The following HMCN1 variants were observed in gnomAD, a reference collection of about 807,000 sequenced individuals.
HMCN1 encodes hemicentin 1, also known as hemicentin-1.
A neutral mutation model predicts 625.9 loss-of-function variants in HMCN1; 321 were observed. The observed-to-expected ratio is 0.51, with a 90% CI of 0.47 to 0.56. HMCN1 has a LOEUF of 0.56. Ranked by LOEUF, HMCN1 falls within the 20% of genes least tolerant of loss-of-function variation. HMCN1 has a pLI of 0.00. For missense variants in HMCN1, 6,588 were observed against 6,887.3 expected (o/e 0.96, Z 1.54); for synonymous variants, 2,425 against 2,417.6 (o/e 1.00, Z -0.09).
At chr1:185,963,262 G>A (rs916688729) in intron 12 of HMCN1, among the ~76,000 whole-genome samples, 1 of 152,154 alleles carries the variant, frequency 6.6e-6, no homozygotes, top group African/African-American at 2.4e-5. Context: ...GAAGTCATAC[G>A]TGTGATCCAG....
intron 90 of HMCN1, 44 bp from the exon 91 acceptor site, chr1:186,144,489 T>C (rs1650159763): frequency 6.2e-7 from 1 of 1,613,592 alleles, no homozygotes; most frequent in Non-Finnish European, 8.5e-7. Context: ...AACACGATGG[T>C]TCCTAGGTAG....
At chr1:185,878,947 T>C (rs528845570) in intron 4 of HMCN1, among the ~76,000 whole-genome samples, 1 of 152,350 alleles carries the variant, frequency 6.6e-6, no homozygotes, top group South Asian at 2.1e-4. Flanking sequence ...ACCTGTAAGA[T>C]AGAAGCTCCT....
intron 52 of HMCN1, among the ~76,000 whole-genome samples, chr1:186,072,636 T>A (rs139941043): frequency 6.0e-4 from 91 of 152,268 alleles, no homozygotes; most frequent in African/African-American, 2.1e-3. Flanking sequence ...AGGGAAGACC[T>A]CACTGATAAG....
At chr1:186,168,798 T>C (rs947942503) in intron 100 of HMCN1, among the ~76,000 whole-genome samples, 1 of 152,106 alleles carries the variant, frequency 6.6e-6, no homozygotes, top group African/African-American at 2.4e-5. Flanking sequence ...AGTCCTGGGA[T>C]ACATGTACAG....
At chr1:185,889,129 G>A (rs1469783362) in intron 4 of HMCN1, among the ~76,000 whole-genome samples, 6 of 143,542 alleles carry the variant, frequency 4.2e-5, no homozygotes, top group Non-Finnish European at 7.4e-5. Context: ...TTGGTGTATA[G>A]GAATGCTTGT....
At chr1:185,782,808 C>G (rs1657235603) in intron 1 of HMCN1, among the ~76,000 whole-genome samples, 1 of 152,170 alleles carries the variant, frequency 6.6e-6, no homozygotes, top group Non-Finnish European at 1.5e-5. Flanking sequence ...CTTGGTGAAT[C>G]TGACAATTAT....
intron 1 of HMCN1, among the ~76,000 whole-genome samples, chr1:185,766,514 C>T (rs559236417): frequency 6.6e-6 from 1 of 152,214 alleles, no homozygotes; most frequent in South Asian, 2.1e-4. Context: ...CACGAGTAGT[C>T]ATTTTAGTGC....
intron 28 of HMCN1, 66 bp from the exon 29 acceptor site, chr1:186,003,652 T>C: frequency 6.6e-7 from 1 of 1,523,468 alleles, no homozygotes; most frequent in Non-Finnish European, 9.1e-7. Flanking sequence ...ATTGACTGCT[T>C]TCTAACCCCA....
At chr1:185,909,231 C>A in intron 4 of HMCN1, 106 bp from the exon 5 acceptor site, 1 of 826,022 alleles carries the variant, frequency 1.2e-6, no homozygotes. Context: ...CACACCAGTC[C>A]AGGATGTGCC....
Position 186,053,085 on chromosome 1 carries a change from A to G in HMCN1, c.6700+11A>G, listed in dbSNP as rs761317211. 3.5e-5 allele frequency: 56 copies of G among 1,603,258 alleles called. No homozygotes were observed. Among genetic ancestry groups the G allele is most frequent in the Non-Finnish European group, 6.8e-6 (8 of 1,171,498 alleles). The stretch of plus-strand genomic sequence containing the variant: ...TCTGGAAGAAGAAAGGTCAGTTTTC[A>G]TCCTTGAAATTTATAAAATTAAAGA... On this transcript the variant is annotated intron_variant, in intron 43 of 106. Transcript: ENST00000271588.
chr1:185,737,971 G>A (rs567516786), intron 1 of HMCN1, among the ~76,000 whole-genome samples: 19 of 152,290 alleles, frequency 1.2e-4, no homozygotes, highest in African/African-American at 4.6e-4. Flanking sequence ...ATATGTGCAT[G>A]TAAGAAGCGC....
intron 46 of HMCN1, among the ~76,000 whole-genome samples, chr1:186,058,190 TATG>T (rs1344609669): frequency 6.6e-6 from 1 of 151,998 alleles, no homozygotes; most frequent in Non-Finnish European, 1.5e-5. Context: ...TATGCTAATT[TATG>T]ATCTCTTTGC....
chr1:186,062,083 A>G, intron 47 of HMCN1, 119 bp downstream of exon 47: 2 of 640,964 alleles, frequency 3.1e-6, no homozygotes, highest in Non-Finnish European at 5.5e-6. Flanking sequence ...CTGGACTGTG[A>G]CTCTTGGCAA....
chr1:185,826,591 T>C lies in HMCN1; in HGVS notation c.269-19435T>C, dbSNP rs567935243. On this transcript the variant is annotated intron_variant, in intron 1 of 106. Transcript: ENST00000271588. ...GGTGCACCAACTTTCTCAGACCCAG[T>C]TGGTTCTGAGCAGTAAAAAAGATGG... Among the ~76,000 whole-genome samples, 8 of 152,216 alleles carry C rather than the reference T, an allele frequency of 5.3e-5. No homozygotes were observed. The South Asian group carries it at 1.7e-3, about 32-fold the overall frequency.
intron 86 of HMCN1, 45 bp downstream of exon 86, chr1:186,132,454 ATTAC>A: frequency 7.3e-7 from 1 of 1,365,958 alleles, no homozygotes; most frequent in Non-Finnish European, 1.0e-6. Context: ...TTTAGGAAAT[ATTAC>A]CTAATAAAGA....
rs765400134 is a variant in HMCN1, at chr1:186,037,974, G to C, written c.5790G>C (p.Glu1930Asp). 1.2e-6 allele frequency: 2 copies of C among 1,613,350 alleles called. No homozygotes were observed. Among genetic ancestry groups the C allele is most frequent in the Non-Finnish European group, 1.7e-6 (2 of 1,179,482 alleles). ...SLEDAGKMLNETVLVSNPVQL... is the reference protein window; with the variant it reads ...SLEDAGKMLNDTVLVSNPVQL... ...AAGATGCTGGAAAAATGCTGAATGA[G>C]ACTGTGTTGGTGAGCAACCCTGTAC... is the stretch of plus-strand genomic sequence containing the variant. Residue 1930 changes from glutamate (E) to aspartate (D), a missense_variant, in exon 37 of 107, where the codon GAG (glutamate) becomes GAC (aspartate). This residue lies in a region of HMCN1 where 4,628 missense variants were observed against 4,853.1 expected (regional missense o/e 0.95). Transcript: ENST00000271588.
intron 93 of HMCN1, among the ~76,000 whole-genome samples, chr1:186,146,587 GAAATA>G (rs1340838083): frequency 6.6e-6 from 1 of 152,092 alleles, no homozygotes; most frequent in African/African-American, 2.4e-5. Flanking sequence ...GGTCTTCTTA[GAAATA>G]AAATGTTCCT....
rs1364880894 is a variant in HMCN1, at chr1:186,128,208, G to C, written c.12821G>C (p.Gly4274Ala). The C allele has an allele frequency of 6.2e-7, 1 of 1,613,498 alleles. No homozygotes were observed. Among genetic ancestry groups the C allele is most frequent in the Non-Finnish European group, 8.5e-7 (1 of 1,179,718 alleles). Residue 4274 changes from glycine (G) to alanine (A), a missense_variant, in exon 83 of 107, where the codon GGA becomes GCA. Gly to Ala is a moderately conservative substitution (Grantham distance 60). Coordinates refer to ENST00000271588, the MANE Select transcript of HMCN1 (RefSeq NM_031935.3). ...ELPGDVSLNK[G>A]EQLRLSCKAT... The stretch of plus-strand genomic sequence containing the variant: ...CCTGGAGACGTGTCATTAAATAAAG[G>C]AGAACAGCTACGATTAAGCTGTAAA...
chr1:185,853,815 G>A (rs1184262853), intron 2 of HMCN1, among the ~76,000 whole-genome samples: 3 of 152,142 alleles, frequency 2.0e-5, no homozygotes, highest in African/African-American at 7.2e-5. Context: ...AGAGTGGGGT[G>A]GATATTATAA....
Sources: gnomAD v4.1 joint callset for allele counts (sites outside exome capture counted in the v4.1 genomes callset) on GRCh38, gnomAD v4.1.1 for gene constraint, gnomAD v4.1.1 regional missense constraint, MANE v1.5 for transcripts, NCBI Gene and HGNC (gene_info 2026-07-23, HGNC 2026-07-21) for gene names.